The following GPBP1 variants were observed in gnomAD, a reference collection of about 807,000 sequenced individuals.
The protein encoded by GPBP1 is GC-rich promoter binding protein 1.
In GPBP1, 13 loss-of-function variants were observed where a neutral mutation model predicts 56.5. The observed-to-expected ratio is 0.23, with a 90% CI of 0.15 to 0.37. The LOEUF (loss-of-function observed/expected upper bound fraction) is 0.37. GPBP1 is among the 10% of genes least tolerant of loss of function. GPBP1 has a pLI of 1.00. For synonymous variants in GPBP1, 204 were observed against 188.9 expected (o/e 1.08, Z -0.66); for missense variants, 477 against 572.3 (o/e 0.83, Z 1.70).
chr5:57,219,987 G>C (rs1238485706), intron 3 of GPBP1, among the ~76,000 whole-genome samples: 1 of 151,194 alleles, frequency 6.6e-6, no homozygotes, highest in Non-Finnish European at 1.5e-5. Context: ...GGAGGCAGAG[G>C]TTGTAGTGAG....
At chr5:57,258,635 G>T (rs772829074) in intron 10 of GPBP1, among the ~76,000 whole-genome samples, 1 of 152,200 alleles carries the variant, frequency 6.6e-6, no homozygotes, top group African/African-American at 2.4e-5. Flanking sequence ...AACACAGATT[G>T]TTTTTATTTT....
At chr5:57,211,803 C>G (rs1471646498) in intron 2 of GPBP1, among the ~76,000 whole-genome samples, 1 of 151,788 alleles carries the variant, frequency 6.6e-6, no homozygotes, top group Non-Finnish European at 1.5e-5. Context: ...AACTCCCAAC[C>G]TCAGGTGATC....
chr5:57,202,344 A>G (rs897643193), intron 2 of GPBP1, among the ~76,000 whole-genome samples: 1 of 151,952 alleles, frequency 6.6e-6, no homozygotes, highest in South Asian at 2.1e-4. Context: ...CTGGAGTGCA[A>G]ATGGCCTGAT....
At chr5:57,223,624 C>CTTCCTTA (rs1375894859) in intron 3 of GPBP1, among the ~76,000 whole-genome samples, 6 of 151,996 alleles carry the variant, frequency 3.9e-5, no homozygotes, top group Non-Finnish European at 8.8e-5. Flanking sequence ...AAAACTCCAC[C>CTTCCTTA]TTCCTTACCT....
Position 57,251,435 on chromosome 5 carries a change from TTCAC to T in GPBP1, c.1160+296_1160+299del, listed in dbSNP as rs528350091. Among the ~76,000 whole-genome samples, 32 of 152,318 alleles carry T rather than the reference TTCAC, an allele frequency of 2.1e-4. 1 individual carries two copies. Among genetic ancestry groups the T allele is most frequent in the Non-Finnish European group, 3.7e-4 (25 of 68,018 alleles). ...ATGTGATTTTTGATGTCTAGCTTCTTTCACTAAGTATAATATTTTCAAGTTTTAT... is the reference window on the plus strand; with the variant it reads ...ATGTGATTTTTGATGTCTAGCTTCTTTAAGTATAATATTTTCAAGTTTTAT... On this transcript the variant is annotated intron_variant, in intron 10 of 11. Transcript: ENST00000506184.
At chr5:57,208,934 C>T (rs1042596305) in intron 2 of GPBP1, among the ~76,000 whole-genome samples, 5 of 152,128 alleles carry the variant, frequency 3.3e-5, no homozygotes, top group African/African-American at 1.2e-4. Flanking sequence ...GGATTACAGG[C>T]TTGAGCCACT....
At chr5:57,181,220 A>G (rs894383054) in intron 2 of GPBP1, among the ~76,000 whole-genome samples, 2 of 152,136 alleles carry the variant, frequency 1.3e-5, no homozygotes, top group Non-Finnish European at 2.9e-5. Context: ...CTGTAGTCCT[A>G]GCTACTTGGA....
chr5:57,239,195 G>A (rs1360406658), intron 6 of GPBP1, among the ~76,000 whole-genome samples: 2 of 152,150 alleles, frequency 1.3e-5, no homozygotes, highest in African/African-American at 2.4e-5. Context: ...GTAGTACAAC[G>A]TGTTCATGGT....
chr5:57,178,600 G>C (rs1420307492), intron 2 of GPBP1, among the ~76,000 whole-genome samples: 1 of 152,150 alleles, frequency 6.6e-6, no homozygotes, highest in Non-Finnish European at 1.5e-5. Flanking sequence ...AGTAGTGTTA[G>C]GATAAAGATT....
At chr5:57,244,883 G>A (rs1421308544) in intron 6 of GPBP1, among the ~76,000 whole-genome samples, 1 of 151,972 alleles carries the variant, frequency 6.6e-6, no homozygotes, top group East Asian at 1.9e-4. Flanking sequence ...ATAGGCACAT[G>A]CCAACACGCC....
chr5:57,179,605 G>T (rs1753951773), intron 2 of GPBP1, among the ~76,000 whole-genome samples: 1 of 151,826 alleles, frequency 6.6e-6, no homozygotes, highest in Admixed American at 6.6e-5. Flanking sequence ...TTGTTTTTTT[G>T]GGTTTTTTTG....
At chr5:57,183,136 C>T (rs1469790623) in intron 2 of GPBP1, among the ~76,000 whole-genome samples, 3 of 152,038 alleles carry the variant, frequency 2.0e-5, no homozygotes, top group South Asian at 2.1e-4. Context: ...GAGGCTGAAG[C>T]GGGTGGATCA....
chr5:57,185,225 A>C (rs1338723595), intron 2 of GPBP1, among the ~76,000 whole-genome samples: 3 of 150,852 alleles, frequency 2.0e-5, no homozygotes, highest in Non-Finnish European at 2.9e-5. Context: ...GCCCTCTTTA[A>C]AATTTGTTTT....
intron 2 of GPBP1, among the ~76,000 whole-genome samples, chr5:57,192,565 C>T (rs1295120208): frequency 6.6e-6 from 1 of 151,730 alleles, no homozygotes; most frequent in African/African-American, 2.4e-5. Flanking sequence ...ACCAGCCTGA[C>T]CAACATGGAG....
intron 2 of GPBP1, among the ~76,000 whole-genome samples, chr5:57,195,642 T>C (rs1488633662): frequency 1.3e-5 from 2 of 152,148 alleles, no homozygotes; most frequent in Admixed American, 1.3e-4. Context: ...AGGAGCTAGC[T>C]GTGATGACTT....
intron 9 of GPBP1, 36 bp downstream of exon 9, chr5:57,249,612 G>A (rs1009709673): frequency 2.7e-6 from 4 of 1,507,910 alleles, no homozygotes; most frequent in Admixed American, 3.9e-5. Flanking sequence ...ATTTGACATT[G>A]ATATGTCATT....
chr5:57,251,717 G>T (rs1024679862), intron 10 of GPBP1, among the ~76,000 whole-genome samples: 4 of 151,920 alleles, frequency 2.6e-5, no homozygotes, highest in Non-Finnish European at 5.9e-5. Context: ...GAGTTGAATT[G>T]CTGGGACATA....
chr5:57,219,509 C>G (rs1424032811), intron 3 of GPBP1, among the ~76,000 whole-genome samples: 1 of 150,692 alleles, frequency 6.6e-6, no homozygotes, highest in East Asian at 1.9e-4. Context: ...GAATGGAGAC[C>G]TCTGTTGATT....
chr5:57,261,040 A>T, intron 10 of GPBP1, 140 bp from the exon 11 acceptor site: 1 of 515,624 alleles, frequency 1.9e-6, no homozygotes, highest in South Asian at 3.2e-5. Context: ...TCAAAGCCTG[A>T]GCTCAAAAAT....
Sources: allele counts gnomAD v4.1 joint callset (sites outside exome capture counted in the v4.1 genomes callset), GRCh38; gene constraint gnomAD v4.1.1; transcripts MANE v1.5; gene names NCBI Gene and HGNC (gene_info 2026-07-23, HGNC 2026-07-21).